The following C12orf56 variants were observed in gnomAD, a reference collection of about 807,000 sequenced individuals.
C12orf56 encodes the protein chromosome 12 open reading frame 56, also known as uncharacterized protein C12orf56.
In C12orf56, 71 loss-of-function variants were observed where a neutral mutation model predicts 69.9. That is an observed-to-expected ratio of 1.02 (90% confidence interval 0.84 to 1.24). The LOEUF (loss-of-function observed/expected upper bound fraction) is 1.24. Among genes scored for constraint, C12orf56 ranks in the 50% most tolerant of loss-of-function variants. The pLI is 0.00. For synonymous variants in C12orf56, 276 were observed against 274.1 expected (o/e 1.01, Z -0.07); for missense variants, 732 against 738.5 (o/e 0.99, Z 0.10).
At chr12:64,326,778 G>A (rs1349073364) in intron 3 of C12orf56, among the ~76,000 whole-genome samples, 1 of 151,988 alleles carries the variant, frequency 6.6e-6, no homozygotes, top group Non-Finnish European at 1.5e-5. Flanking sequence ...TCACAATGTG[G>A]TATCAGTAAA....
intron 8 of C12orf56, among the ~76,000 whole-genome samples, chr12:64,282,546 G>GA (rs1313315510): frequency 1.3e-5 from 2 of 150,786 alleles, no homozygotes; most frequent in Non-Finnish European, 3.0e-5. Flanking sequence ...GGTAAGAGGG[G>GA]GCAGATCACT....
intron 4 of C12orf56, among the ~76,000 whole-genome samples, chr12:64,315,061 C>T (rs1378218261): frequency 6.7e-6 from 1 of 148,188 alleles, no homozygotes; most frequent in Admixed American, 7.0e-5. Flanking sequence ...AAGCAATTCT[C>T]CTGCCTCAGC....
In C12orf56 at chr12:64,387,077, CAAAAAAAAAAAAAAAAAAA is replaced by C. The variant is rs869290282; in HGVS notation, c.252+3218_252+3236del. On this transcript the variant is annotated intron_variant, in intron 1 of 12. Coordinates refer to ENST00000543942, the MANE Select transcript of C12orf56 (RefSeq NM_001170633.2). ...TGGGTAACAGAGCGAGACTCTATCT[CAAAAAAAAAAAAAAAAAAA>C]AAAAAAAAAAAAAAGATGTGTTCAC... is the stretch of plus-strand genomic sequence containing the variant. Among the ~76,000 whole-genome samples, 12 of 42,086 alleles carry C rather than the reference CAAAAAAAAAAAAAAAAAAA, an allele frequency of 2.9e-4. 1 individual carries two copies. In the Admixed American group the frequency reaches 3.2e-3, roughly 11 times the overall value. 27.6% of individuals were successfully genotyped at this position (42,086 alleles called of 152,430 possible).
At chr12:64,278,757 G>A (rs972098666) in intron 8 of C12orf56, among the ~76,000 whole-genome samples, 1 of 150,610 alleles carries the variant, frequency 6.6e-6, no homozygotes, top group South Asian at 2.1e-4. Flanking sequence ...ATTCCACCCC[G>A]CCCCTAAGCC....
At position 64,272,460 on chromosome 12, in the gene C12orf56, G is replaced by A. The variant is rs1401669502; in HGVS notation, c.1585-1746C>T. Among the ~76,000 whole-genome samples, 8 of 151,924 alleles carry A rather than the reference G, an allele frequency of 5.3e-5. No individual in the cohort carries two copies. The East Asian group carries it at 5.8e-4, about 11-fold the overall frequency. Reference sequence around the variant, plus strand: ...GTGGAGGTTGCAGTGAGCCGAGATCGCACCACTGCACTCCAGCCTGGGTGA... The same window carrying A: ...GTGGAGGTTGCAGTGAGCCGAGATCACACCACTGCACTCCAGCCTGGGTGA... On this transcript the variant is annotated intron_variant, in intron 11 of 12. Transcript: ENST00000543942.
chr12:64,358,491 C>A (rs563327901), intron 1 of C12orf56, among the ~76,000 whole-genome samples: 9,505 of 90,640 alleles, frequency 0.1, 450 homozygotes, highest in African/African-American at 0.18. Flanking sequence ...TAATCATCAT[C>A]ATCATCATCA....
chr12:64,328,706 A>ATAT (rs1491293478), intron 3 of C12orf56, among the ~76,000 whole-genome samples: 1 of 15,110 alleles, frequency 6.6e-5, no homozygotes, highest in Admixed American at 1.3e-3. Flanking sequence ...AAAAAAAAAA[A>ATAT]ATATATATAT....
intron 2 of C12orf56, among the ~76,000 whole-genome samples, chr12:64,341,537 A>G (rs1445621297): frequency 6.6e-6 from 1 of 152,176 alleles, no homozygotes; most frequent in Non-Finnish European, 1.5e-5. Context: ...CATGAGCATG[A>G]GCCCACATCA....
chr12:64,293,030 C>G (rs1231789411), intron 6 of C12orf56, among the ~76,000 whole-genome samples: 1 of 151,930 alleles, frequency 6.6e-6, no homozygotes, highest in South Asian at 2.1e-4. Flanking sequence ...ACCCTCCGAG[C>G]CAGGTGTGGG....
intron 2 of C12orf56, among the ~76,000 whole-genome samples, chr12:64,335,003 G>C (rs1450241345): frequency 6.6e-6 from 1 of 152,286 alleles, no homozygotes; most frequent in East Asian, 1.9e-4. Context: ...AATGGCTACT[G>C]TATTAGACAT....
chr12:64,314,029 G>A lies in C12orf56; in HGVS notation c.895-1277C>T, dbSNP rs528860597. On this transcript the variant is annotated intron_variant, in intron 4 of 12. Transcript: ENST00000543942. ...TTGCACTCCAGCCTGGGCAACAAGA[G>A]CAAAACTCTGTCTCAAAAAAAAAAA... Among the ~76,000 whole-genome samples, 513 of 103,414 alleles carry A rather than the reference G, an allele frequency of 5.0e-3. 2 individuals are homozygous for A. The highest frequency in any genetic ancestry group is 9.1e-3 in the Middle Eastern group (1 of 110). 67.8% of individuals were successfully genotyped at this position (103,414 alleles called of 152,430 possible). A position where few individuals can be genotyped will look rare whatever the true frequency, so the allele number is the denominator to read the frequency against.
intron 3 of C12orf56, among the ~76,000 whole-genome samples, chr12:64,326,038 T>C (rs867358124): frequency 6.6e-6 from 1 of 152,124 alleles, no homozygotes; most frequent in South Asian, 2.1e-4. Context: ...GGACCATATA[T>C]ACCCTTCTAC....
intron 6 of C12orf56, among the ~76,000 whole-genome samples, chr12:64,288,737 G>C (rs1411366260): frequency 2.1e-5 from 3 of 144,952 alleles, no homozygotes; most frequent in Non-Finnish European, 4.6e-5. Flanking sequence ...GTACCATGCT[G>C]TTTTGGTTAC....
chr12:64,368,666 T>C (rs2039530144), intron 1 of C12orf56, among the ~76,000 whole-genome samples: 1 of 152,156 alleles, frequency 6.6e-6, no homozygotes, highest in African/African-American at 2.4e-5. Flanking sequence ...GGCTAATTCA[T>C]TCTTTTGTGC....
intron 5 of C12orf56, among the ~76,000 whole-genome samples, chr12:64,308,985 AAAAG>A (rs1184718619): frequency 7.5e-6 from 1 of 133,856 alleles, no homozygotes; most frequent in Non-Finnish European, 1.6e-5. Context: ...AGAAAGAAAG[AAAAG>A]AAAGAAGGAA....
At chr12:64,350,093 GAAAAAA>G (rs200890156) in intron 2 of C12orf56, among the ~76,000 whole-genome samples, 1 of 119,546 alleles carries the variant, frequency 8.4e-6, no homozygotes. Context: ...CTCAGTCTCA[GAAAAAA>G]AAAAAAAAAA....
intron 1 of C12orf56, among the ~76,000 whole-genome samples, chr12:64,384,922 T>C (rs1326641082): frequency 6.6e-6 from 1 of 151,758 alleles, no homozygotes; most frequent in African/African-American, 2.4e-5. Flanking sequence ...GGTGTGGTGG[T>C]GCGAGCCTGT....
rs190093794 is a variant in C12orf56, at chr12:64,347,897, C to G, written c.415+4997G>C. Among the ~76,000 whole-genome samples, 299 of 152,140 alleles carry G rather than the reference C, an allele frequency of 2.0e-3. 2 individuals are homozygous for G. Among genetic ancestry groups the G allele is most frequent in the African/African-American group, 6.5e-3 (271 of 41,522 alleles). On this transcript the variant is annotated intron_variant, in intron 2 of 12. Transcript: ENST00000543942. ...TTGTTTTGAATTAGATAAGATAAAC[C>G]TAAAAATTTGAACAAGTTGTGGAAT...
At chr12:64,333,437 A>G (rs1245130809) in intron 2 of C12orf56, among the ~76,000 whole-genome samples, 2 of 152,110 alleles carry the variant, frequency 1.3e-5, no homozygotes, top group African/African-American at 4.8e-5. Flanking sequence ...GTTGGAAAAA[A>G]AAAAACAACT....
Sources: allele counts gnomAD v4.1 joint callset (sites outside exome capture counted in the v4.1 genomes callset), GRCh38; gene constraint gnomAD v4.1.1; transcripts MANE v1.5; gene names NCBI Gene and HGNC (gene_info 2026-07-23, HGNC 2026-07-21).